Variants in PSMD9 observed in about 807,000 individuals in gnomAD.
PSMD9 encodes proteasome 26S subunit, non-ATPase 9, also known as 26S proteasome non-ATPase regulatory subunit 9.
Under a neutral mutation model 25.9 loss-of-function variants are expected in PSMD9, and 26 were observed. The ratio of observed to expected loss-of-function variants is 1.00; its 90% CI spans 0.73 to 1.39. The LOEUF (loss-of-function observed/expected upper bound fraction) is 1.39, where lower values mean the gene tolerates loss of function less well. Among genes scored for constraint, PSMD9 ranks in the 40% most tolerant of loss-of-function variants. The pLI is 0.00. For missense variants in PSMD9, 303 were observed against 299.3 expected, an observed-to-expected ratio of 1.01 and a Z score of -0.09; for synonymous variants, 110 against 114.5, an observed-to-expected ratio of 0.96 and a Z score of 0.25.
chr12:121,903,309 A>G (rs1879455244), intron 4 of PSMD9, among the ~76,000 whole-genome samples: 1 of 152,134 alleles, frequency 6.6e-6, no homozygotes, highest in African/African-American at 2.4e-5. Flanking sequence ...GTGTCCTCAC[A>G]TGGCAGAAAG....
chr12:121,906,058 TCTG>T, intron 4 of PSMD9, among the ~76,000 whole-genome samples: 1 of 150,310 alleles, frequency 6.7e-6, no homozygotes, highest in African/African-American at 2.5e-5. Context: ...GTTGTGTGGA[TCTG>T]TGAGAAGAGC....
rs1592953086 is a variant in PSMD9, at chr12:121,916,087, G to A, written c.644+143G>A. 4 of 1,167,232 alleles carry A rather than the reference G, an allele frequency of 3.4e-6. No homozygotes were observed. The East Asian group carries it at 9.4e-5, about 28-fold the overall frequency. 72.3% of individuals were successfully genotyped at this position (1,167,232 alleles called of 1,614,324 possible). ...TGGAAACTGCAGATAAATCCTCGTG[G>A]TAGGAACGAGACTACAGCTCTAGAA... On this transcript the variant is annotated intron_variant, in intron 5 of 5. Transcript: ENST00000541212.
chr12:121,897,811 AGCCACCGC>A (rs756105959), intron 2 of PSMD9: 2 of 152,262 alleles, frequency 1.3e-5, no homozygotes, highest in South Asian at 4.1e-4. Context: ...TACAGGCATG[AGCCACCGC>A]GCCCAGCTAA....
At chr12:121,906,648 CA>C (rs11289150) in intron 4 of PSMD9, among the ~76,000 whole-genome samples, 113,593 of 142,054 alleles carry the variant, frequency 0.8, 45,275 homozygotes, top group Middle Eastern at 0.87. Context: ...ACTAAAAATA[CA>C]AAAAAAAAAA....
intron 3 of PSMD9, 127 bp downstream of exon 3, chr12:121,899,972 C>T: frequency 9.1e-7 from 1 of 1,093,096 alleles, no homozygotes; most frequent in Non-Finnish European, 1.3e-6. Context: ...ACTCATTTAA[C>T]AAACACTGAC....
chr12:121,907,530 A>G (rs1171298984), intron 4 of PSMD9, among the ~76,000 whole-genome samples: 1 of 152,188 alleles, frequency 6.6e-6, no homozygotes, highest in Non-Finnish European at 1.5e-5. Flanking sequence ...TCTAGATCAA[A>G]TGCATACATT....
chr12:121,889,797 C>G (rs1879008677), intron 1 of PSMD9, among the ~76,000 whole-genome samples: 1 of 152,092 alleles, frequency 6.6e-6, no homozygotes, highest in African/African-American at 2.4e-5. Flanking sequence ...GGCTCAAAAG[C>G]TGATGCAGGT....
chr12:121,894,694 A>C (rs775524416), intron 1 of PSMD9, 45 bp from the exon 2 acceptor site: 1 of 1,518,838 alleles, frequency 6.6e-7, no homozygotes, highest in Middle Eastern at 1.7e-4. Flanking sequence ...CATCCTGGGG[A>C]CATTACACCC....
rs995362936 is a variant in PSMD9, at chr12:121,890,206, C to T, written c.138+1212C>T. Among the ~76,000 whole-genome samples the T allele has an allele frequency of 7.9e-5, 12 of 152,238 alleles. 1 individual carries two copies. The highest frequency in any genetic ancestry group is 2.4e-4 in the African/African-American group (10 of 41,552). ...TGCTGGGATTACAGGCGTGAGCCAC[C>T]GCGTCCGGCCATAAGATGAAGTTTC... On this transcript the variant is annotated intron_variant, in intron 1 of 5. Coordinates refer to ENST00000541212, the MANE Select transcript of PSMD9 (RefSeq NM_002813.7).
At chr12:121,901,666 CTTTTTT>C (rs563939839) in intron 3 of PSMD9, among the ~76,000 whole-genome samples, 52 of 93,608 alleles carry the variant, frequency 5.6e-4, no homozygotes, top group African/African-American at 1.7e-3. Context: ...TTCATTCCTT[CTTTTTT>C]TTTTTTTTTT....
At chr12:121,892,267 A>T (rs565425536) in intron 1 of PSMD9, among the ~76,000 whole-genome samples, 1 of 152,210 alleles carries the variant, frequency 6.6e-6, no homozygotes, top group Non-Finnish European at 1.5e-5. Context: ...AATATGGTCA[A>T]TACAAATGGT....
intron 4 of PSMD9, among the ~76,000 whole-genome samples, chr12:121,910,472 C>T (rs1183425314): frequency 6.6e-6 from 1 of 151,638 alleles, no homozygotes; most frequent in African/African-American, 2.4e-5. Context: ...ATAAAAATTA[C>T]CATTTTAGGC....
chr12:121,897,016 A>G (rs1302701375), intron 2 of PSMD9, among the ~76,000 whole-genome samples: 1 of 152,120 alleles, frequency 6.6e-6, no homozygotes, highest in Non-Finnish European at 1.5e-5. Context: ...ACATGCGTGT[A>G]TATATGCAAA....
In PSMD9 at chr12:121,916,244, G is replaced by A. The variant is rs776485580; in HGVS notation, c.645-40G>A. 1.1e-5 allele frequency: 17 copies of A among 1,612,802 alleles called. No homozygotes were observed. In the South Asian group the frequency reaches 1.9e-4, roughly 18 times the overall value. On this transcript the variant is annotated intron_variant, in intron 5 of 5. Coordinates refer to ENST00000541212, the MANE Select transcript of PSMD9 (RefSeq NM_002813.7). ...TCAGCCTCTGACCTTCCTGAAGGGA[G>A]CCTCCAAACTTACGCCATTCCTTTT... is the stretch of plus-strand genomic sequence containing the variant.
At chr12:121,916,063 G>A in intron 5 of PSMD9, 119 bp downstream of exon 5, 1 of 1,224,576 alleles carries the variant, frequency 8.2e-7, no homozygotes, top group South Asian at 1.3e-5. Context: ...CAGTTTGCAT[G>A]GAAACTGCAG....
chr12:121,911,616 A>G (rs1232261138), intron 4 of PSMD9, among the ~76,000 whole-genome samples: 3 of 150,908 alleles, frequency 2.0e-5, no homozygotes, highest in East Asian at 3.9e-4. Context: ...TGGTCATTCT[A>G]TGTTTAAAGT....
chr12:121,913,493 CTTT>C (rs771986462), intron 4 of PSMD9, among the ~76,000 whole-genome samples: 3 of 134,828 alleles, frequency 2.2e-5, no homozygotes, highest in Non-Finnish European at 1.6e-5. Context: ...TTTCTTTTTT[CTTT>C]TTTTTTTTTT....
intron 3 of PSMD9, among the ~76,000 whole-genome samples, chr12:121,900,336 G>A (rs1288012541): frequency 6.6e-6 from 1 of 152,174 alleles, no homozygotes; most frequent in African/African-American, 2.4e-5. Flanking sequence ...AAGTTGCAGT[G>A]AGCTGTGACT....
At chr12:121,909,178 C>G (rs1471530581) in intron 4 of PSMD9, among the ~76,000 whole-genome samples, 2 of 152,068 alleles carry the variant, frequency 1.3e-5, no homozygotes, top group Admixed American at 6.6e-5. Flanking sequence ...ATCCATGGGC[C>G]TTAACCTGAT....
Sources: gnomAD v4.1 joint callset for allele counts (sites outside exome capture counted in the v4.1 genomes callset) on GRCh38, gnomAD v4.1.1 for gene constraint, MANE v1.5 for transcripts, NCBI Gene and HGNC (gene_info 2026-07-23, HGNC 2026-07-21) for gene names.